ATAD2B: variants seen among roughly 807,000 people sequenced by gnomAD.
The protein encoded by ATAD2B is ATPase family AAA domain containing 2B.
Under a neutral mutation model 167.6 loss-of-function variants are expected in ATAD2B, and 40 were observed. That is an observed-to-expected ratio of 0.24 (90% confidence interval 0.19 to 0.31). The LOEUF is 0.31. ATAD2B is among the 10% of genes least tolerant of loss of function. ATAD2B has a pLI of 1.00. For synonymous variants in ATAD2B, 579 were observed against 596.5 expected, an observed-to-expected ratio of 0.97 and a Z score of 0.43; for missense variants, 1,242 against 1,757.2, an observed-to-expected ratio of 0.71 and a Z score of 5.24.
At chr2:23,736,812 A>G in the ATAD2B span, among the ~76,000 whole-genome samples, 1 of 152,180 alleles carries the variant, frequency 6.6e-6, no homozygotes, top group South Asian at 2.1e-4. Flanking sequence ...GGGGTGACAG[A>G]CAGCACCTGG....
chr2:23,924,971 G>A (rs13389538), intron 1 of ATAD2B, among the ~76,000 whole-genome samples: 1,888 of 152,294 alleles, frequency 0.012, 36 homozygotes, highest in African/African-American at 0.043. Flanking sequence ...AATTGCTTCA[G>A]ATGAGTTAGA....
chr2:23,883,589 C>T (rs1223816052), intron 6 of ATAD2B: 6 of 1,284,176 alleles, frequency 4.7e-6, no homozygotes, highest in Non-Finnish European at 6.1e-6. Flanking sequence ...ATAAATCTGT[C>T]TCACCTATAC....
intron 16 of ATAD2B, among the ~76,000 whole-genome samples, chr2:23,822,270 C>G (rs1687560744): frequency 6.6e-6 from 1 of 152,204 alleles, no homozygotes; most frequent in African/African-American, 2.4e-5. Flanking sequence ...CGCGATGACT[C>G]ACATCTCTAA....
Position 23,758,118 on chromosome 2 carries a change from G to GA in ATAD2B, c.3395-18dup. 6.6e-7 allele frequency: 1 copy of GA among 1,513,634 alleles called. No homozygotes were observed. Among genetic ancestry groups the GA allele is most frequent in the African/African-American group, 1.4e-5 (1 of 70,970 alleles). The allele number at this position is 1,513,634 out of a possible 1,614,324, so 93.8% of individuals were successfully genotyped here. A position where few individuals can be genotyped will look rare whatever the true frequency, so the allele number is the denominator to read the frequency against. On this transcript the variant is annotated splice_polypyrimidine_tract_variant and intron_variant, in intron 24 of 27. Coordinates refer to ENST00000238789, the MANE Select transcript of ATAD2B (RefSeq NM_017552.4). ...GAACCCGAACTGTTTTACAAGGAAG[G>GA]AAAAAAGATATGTAGAACTTGGAAT...
intron 1 of ATAD2B, among the ~76,000 whole-genome samples, chr2:23,909,166 A>C (rs1701903723): frequency 6.6e-6 from 1 of 151,932 alleles, no homozygotes; most frequent in Non-Finnish European, 1.5e-5. Context: ...GCTCCTGGTC[A>C]ACAGTGTGAG....
intron 19 of ATAD2B, among the ~76,000 whole-genome samples, chr2:23,796,747 A>G (rs1682685444): frequency 6.6e-6 from 1 of 152,168 alleles, no homozygotes; most frequent in African/African-American, 2.4e-5. Context: ...CTACTTTATA[A>G]TACTAATACC....
chr2:23,857,503 C>A lies in ATAD2B; in HGVS notation c.1480G>T (p.Ala494Ser). The A allele has an allele frequency of 1.5e-6, 2 of 1,341,044 alleles. No individual in the cohort carries two copies. Among genetic ancestry groups the A allele is most frequent in the Non-Finnish European group, 2.0e-6 (2 of 1,007,020 alleles). The allele number at this position is 1,341,044 out of a possible 1,614,324, so 83.1% of individuals were successfully genotyped here. A position where few individuals can be genotyped will look rare whatever the true frequency, so the allele number is the denominator to read the frequency against. The change falls in exon 13 of 28, where the codon GCA (alanine) becomes TCA (serine). Residue 494 changes from alanine (A) to serine (S), a missense_variant and splice_region_variant. Around this residue, in one of 9 missense-constraint regions of ATAD2B, gnomAD observed 151 missense variants for 284.1 expected, o/e 0.53. Coordinates refer to ENST00000238789, the MANE Select transcript of ATAD2B (RefSeq NM_017552.4). ...ATTATAGAAGGTCTCATCAAATATG[C>A]CTAGTAAGAAGAAAACAAATAATAT... ...ERQLRLLFDQ[A>S]YLMRPSIIFF... is the part of the protein sequence containing the mutation.
At chr2:23,684,630 C>T in the ATAD2B span, 12 of 1,150,642 alleles carry the variant, frequency 1.0e-5, no homozygotes, top group Admixed American at 1.8e-4. This position sits in a 1 kb window ranked among gnomAD's most constrained non-coding sequence, Gnocchi z 4.4. Context: ...GTTCCTGAAG[C>T]GTGACTCCCT....
the ATAD2B span, chr2:23,697,812 ACCC>A: frequency 6.6e-6 from 1 of 152,090 alleles, no homozygotes; most frequent in Non-Finnish European, 1.5e-5. Flanking sequence ...CTTCAGTGTG[ACCC>A]ACTGCCCAGC....
In ATAD2B at chr2:23,823,583, G is replaced by A; in HGVS notation, c.1820-14C>T. ...CTCCACAGTAGCCTAATACACAAAAGGAGAAGGATAGCAAAGGTACATTCA... is the reference window on the plus strand; with the variant it reads ...CTCCACAGTAGCCTAATACACAAAAAGAGAAGGATAGCAAAGGTACATTCA... On this transcript the variant is annotated splice_polypyrimidine_tract_variant and intron_variant, in intron 15 of 27. Coordinates refer to ENST00000238789, the MANE Select transcript of ATAD2B (RefSeq NM_017552.4). 1 of 1,604,542 alleles carries A rather than the reference G, an allele frequency of 6.2e-7. No individual in the cohort carries two copies.
rs372235004 is a variant in ATAD2B at position 23,751,158 on chromosome 2, G to C, written c.*888C>G. The stretch of plus-strand genomic sequence containing the variant: ...ATTTATTTTCTAGTCATCATTGTTG[G>C]CAATACCAAAACGTGTGCAGTTTTG... On this transcript the variant is annotated 3_prime_UTR_variant, in exon 28 of 28. Transcript: ENST00000238789. 3 of 152,196 alleles carry C rather than the reference G, an allele frequency of 2.0e-5. No individual in the cohort carries two copies. In the South Asian group the frequency reaches 6.2e-4, roughly 32 times the overall value. 9.4% of individuals were successfully genotyped at this position (152,196 alleles called of 1,614,324 possible).
At chr2:23,678,767 G>T in the ATAD2B span, among the ~76,000 whole-genome samples, 1 of 152,214 alleles carries the variant, frequency 6.6e-6, no homozygotes, top group Non-Finnish European at 1.5e-5. Flanking sequence ...GCTACCATGT[G>T]GGTGAACCTT....
rs1314306739 is a variant in ATAD2B at position 23,750,452 on chromosome 2, G to A, written c.*1594C>T. On this transcript the variant is annotated 3_prime_UTR_variant, in exon 28 of 28. Transcript: ENST00000238789. The stretch of plus-strand genomic sequence containing the variant: ...CAAAGAGCCAAAGACAAGGAGACAA[G>A]TACCTTAGCTTCAGGATGTAAACGG... The A allele has an allele frequency of 6.6e-6, 1 of 152,144 alleles. No homozygotes were observed. Among genetic ancestry groups the A allele is most frequent in the Non-Finnish European group, 1.5e-5 (1 of 68,018 alleles). The allele number at this position is 152,144 out of a possible 1,614,324, so 9.4% of individuals were successfully genotyped here.
Position 23,798,332 on chromosome 2 carries a change from G to C in ATAD2B, c.2455-9C>G. ...CGAGCTTCACGAAAAATCTAATTAA[G>C]GAAAAAAACCAACATTAAACAACTC... On this transcript the variant is annotated splice_polypyrimidine_tract_variant and intron_variant, in intron 18 of 27. Transcript: ENST00000238789. The C allele has an allele frequency of 6.4e-7, 1 of 1,559,792 alleles. No individual in the cohort carries two copies. The highest frequency in any genetic ancestry group is 8.7e-7 in the Non-Finnish European group (1 of 1,148,124).
intron 20 of ATAD2B, among the ~76,000 whole-genome samples, chr2:23,786,783 A>G (rs1365715392): frequency 6.6e-6 from 1 of 152,172 alleles, no homozygotes; most frequent in African/African-American, 2.4e-5. Flanking sequence ...TGATTTTGAA[A>G]TATTATTTAT....
chr2:23,926,867 G>A lies in ATAD2B; in HGVS notation c.-97C>T. ...GTCAGGGCCAGCGGAGCCGAGCCGG[G>A]CAATGAGAGACGAGCCGGCCCGGAG... On this transcript the variant is annotated 5_prime_UTR_variant, in exon 1 of 28. Coordinates refer to ENST00000238789, the MANE Select transcript of ATAD2B (RefSeq NM_017552.4). 1.4e-6 allele frequency: 2 copies of A among 1,392,890 alleles called. No individual in the cohort carries two copies. The highest frequency in any genetic ancestry group is 1.9e-6 in the Non-Finnish European group (2 of 1,058,610). The allele number at this position is 1,392,890 out of a possible 1,614,324, so 86.3% of individuals were successfully genotyped here. A position where few individuals can be genotyped will look rare whatever the true frequency, so the allele number is the denominator to read the frequency against.
At chr2:23,904,740 G>A (rs957360588) in intron 1 of ATAD2B, among the ~76,000 whole-genome samples, 10 of 152,036 alleles carry the variant, frequency 6.6e-5, no homozygotes, top group African/African-American at 2.2e-4. Flanking sequence ...AATCTCTTCC[G>A]ATTTCCTTAT....
chr2:23,833,333 C>G (rs1689370075), intron 14 of ATAD2B, among the ~76,000 whole-genome samples: 2 of 151,864 alleles, frequency 1.3e-5, no homozygotes, highest in African/African-American at 4.8e-5. Context: ...AATGAAAAGC[C>G]AGTCAGATTA....
chr2:23,882,326 G>A (rs1168356996), intron 6 of ATAD2B, among the ~76,000 whole-genome samples: 1 of 151,776 alleles, frequency 6.6e-6, no homozygotes, highest in Non-Finnish European at 1.5e-5. Context: ...CTCCCGAGTA[G>A]CTGCGATTAC....
Sources: gnomAD v4.1 joint callset for allele counts (sites outside exome capture counted in the v4.1 genomes callset) on GRCh38, gnomAD v4.1.1 for gene constraint, gnomAD v4.1.1 regional missense constraint, Gnocchi (gnomAD v3.1) non-coding constraint, MANE v1.5 for transcripts, NCBI Gene and HGNC (gene_info 2026-07-23, HGNC 2026-07-21) for gene names.